PASD1: variants seen among roughly 807,000 people sequenced by gnomAD.
PASD1 encodes the protein circadian clock protein PASD1.
In PASD1, 13 loss-of-function variants were observed where a neutral mutation model predicts 58.8. The observed-to-expected ratio is 0.22, with a 90% confidence interval of 0.14 to 0.35. The LOEUF (loss-of-function observed/expected upper bound fraction) is 0.35. Ranked by LOEUF, PASD1 falls within the 10% of genes least tolerant of loss-of-function variation. PASD1 has a pLI of 1.00. For missense variants in PASD1, 734 were observed against 568.3 expected (o/e 1.29, Z -2.96); for synonymous variants, 236 against 216.7 (o/e 1.09, Z -0.78).
In PASD1 at chrX:151,597,981, C is replaced by T. The variant is rs190784245; in HGVS notation, c.-27-3546C>T. 5.3e-5 allele frequency among the ~76,000 whole-genome samples: 6 copies of T among 112,236 alleles called. No individual in the cohort carries two copies. The Admixed American group carries it at 5.7e-4, about 11-fold the overall frequency. The stretch of plus-strand genomic sequence containing the variant: ...CTGACTTCAGGTAATCTGCCCGCCT[C>T]GGCCTCCCAAAGTGCTGAGATTACA... On this transcript the variant is annotated intron_variant, in intron 1 of 15. Transcript: ENST00000370357.
chrX:151,615,226 C>T (rs776025083), intron 4 of PASD1, among the ~76,000 whole-genome samples: 1 of 97,191 alleles, frequency 1.0e-5, no homozygotes, highest in East Asian at 2.8e-4. Context: ...ATGATATGAT[C>T]TTGCTTCTTT....
intron 4 of PASD1, among the ~76,000 whole-genome samples, chrX:151,614,614 T>C (rs1244630390): frequency 2.7e-5 from 3 of 112,386 alleles, no homozygotes; most frequent in Non-Finnish European, 3.8e-5. Flanking sequence ...ATCTCCGTTG[T>C]TGTTTTCATT....
rs758948056 is a variant in PASD1, at chrX:151,664,107, T to C, written c.842-12T>C. The C allele has an allele frequency of 4.1e-6, 5 of 1,210,252 alleles. No individual in the cohort carries two copies. The highest frequency in any genetic ancestry group is 5.6e-6 in the Non-Finnish European group (5 of 895,175). On this transcript the variant is annotated splice_polypyrimidine_tract_variant and intron_variant, in intron 10 of 15. Coordinates refer to ENST00000370357, the MANE Select transcript of PASD1 (RefSeq NM_173493.3). ...TTTTAAGTCATGAACTCCCCTGTGC[T>C]TTCTTCCTCAGCCTTATCCTTGCAA...
intron 1 of PASD1, among the ~76,000 whole-genome samples, chrX:151,576,276 G>A (rs903025731): frequency 9.0e-6 from 1 of 111,624 alleles, no homozygotes; most frequent in Non-Finnish European, 1.9e-5. Context: ...AAAGTGTTGG[G>A]ATTGTAGGCG....
intron 4 of PASD1, among the ~76,000 whole-genome samples, chrX:151,613,585 G>A (rs1036300446): frequency 1.8e-5 from 2 of 111,154 alleles, no homozygotes; most frequent in Admixed American, 9.5e-5. Context: ...AAGCAATTGC[G>A]AATGGGAGTT....
intron 8 of PASD1, among the ~76,000 whole-genome samples, chrX:151,629,589 C>T (rs2013840634): frequency 8.9e-6 from 1 of 111,847 alleles, no homozygotes; most frequent in South Asian, 3.7e-4. Flanking sequence ...TGCCCACTTC[C>T]TTCATTAGTT....
chrX:151,672,208 A>C lies in PASD1; in HGVS notation c.1463A>C (p.His488Pro), dbSNP rs1346732076. The C allele has an allele frequency of 8.6e-7, 1 of 1,159,682 alleles. No homozygotes were observed. Among genetic ancestry groups the C allele is most frequent in the Non-Finnish European group, 1.1e-6 (1 of 871,060 alleles). Reference protein sequence around the residue: ...NQQQLVQQEQHLKEQQRQLRE... With the variant: ...NQQQLVQQEQPLKEQQRQLRE... ...CAGCAACTGGTGCAGCAAGAACAAC[A>C]CCTGAAGGAGCAGCAGCGGCAGCTG... The change falls in exon 14 of 16, where the codon CAC (histidine) becomes CCC (proline). Residue 488 changes from histidine (H) to proline (P), a missense_variant. Physicochemically the swap from His to Pro is moderately conservative, Grantham distance 77. Transcript: ENST00000370357.
At chrX:151,664,826 G>A (rs140329384) in intron 11 of PASD1, among the ~76,000 whole-genome samples, 114 of 111,937 alleles carry the variant, frequency 1.0e-3, no homozygotes, top group African/African-American at 3.6e-3. Flanking sequence ...TTTCAGAGTC[G>A]TTAGATATAC....
intron 12 of PASD1, 23 bp downstream of exon 12, chrX:151,671,219 A>T (rs1301831931): frequency 8.3e-7 from 1 of 1,205,599 alleles, no homozygotes; most frequent in Non-Finnish European, 1.1e-6. Context: ...GCTAGGTTTC[A>T]GGTCAGAGAC....
chrX:151,603,112 T>G (rs2013441441), intron 2 of PASD1, among the ~76,000 whole-genome samples: 1 of 112,782 alleles, frequency 8.9e-6, no homozygotes, highest in African/African-American at 3.2e-5. Context: ...ATGTGTTGAT[T>G]ATCTGTCTAC....
In PASD1 at chrX:151,600,157, G is replaced by A. The variant is rs756027491; in HGVS notation, c.-27-1370G>A. ...CGTGCGCCTGCAATCCCAGGCACTC[G>A]ACAGGCTGAGGCAGGAGAATCAGTC... On this transcript the variant is annotated intron_variant, in intron 1 of 15. Coordinates refer to ENST00000370357, the MANE Select transcript of PASD1 (RefSeq NM_173493.3). Among the ~76,000 whole-genome samples, 30 of 111,532 alleles carry A rather than the reference G, an allele frequency of 2.7e-4. No individual in the cohort carries two copies. In the East Asian group the frequency reaches 6.6e-3, roughly 24 times the overall value.
chrX:151,622,826 T>A (rs2013732603), intron 6 of PASD1, 111 bp from the exon 7 acceptor site: 1 of 852,386 alleles, frequency 1.2e-6, no homozygotes, highest in Non-Finnish European at 1.6e-6. Context: ...TGGCTCAGAA[T>A]TTTGAAAATT....
rs771195221 is a variant in PASD1, at chrX:151,671,703, G to A, written c.1361G>A (p.Cys454Tyr). The A allele has an allele frequency of 2.2e-5, 27 of 1,208,905 alleles. No homozygotes were observed. Among genetic ancestry groups the A allele is most frequent in the Non-Finnish European group, 3.0e-5 (27 of 894,019 alleles). ...CTCCCACATCCCAAGGACGTCAAGT[G>A]TTTCTGTGGTTTATCTTTATCCAAC... is the stretch of plus-strand genomic sequence containing the variant. ...RPLPHPKDVK[C>Y]FCGLSLSNSL... is the part of the protein sequence containing the mutation. The change falls in exon 13 of 16, where the codon TGT becomes TAT. Residue 454 changes from cysteine (C) to tyrosine (Y), a missense_variant. Physicochemically the swap from Cys to Tyr is radical, Grantham distance 194. Coordinates refer to ENST00000370357, the MANE Select transcript of PASD1 (RefSeq NM_173493.3).
chrX:151,631,363 G>C (rs1228211033), intron 8 of PASD1, among the ~76,000 whole-genome samples: 1 of 111,544 alleles, frequency 9.0e-6, no homozygotes. Flanking sequence ...AGTTTCAGGA[G>C]CTGTGGCCGG....
At chrX:151,665,322 C>G (rs1483299756) in intron 11 of PASD1, among the ~76,000 whole-genome samples, 1 of 112,400 alleles carries the variant, frequency 8.9e-6, no homozygotes, top group African/African-American at 3.2e-5. Context: ...CCCCCTTTCA[C>G]TGTTGACAGG....
chrX:151,648,844 A>G (rs1569412863), intron 9 of PASD1, 142 bp downstream of exon 9: 1 of 666,330 alleles, frequency 1.5e-6, no homozygotes, highest in East Asian at 3.5e-5. Flanking sequence ...TCTTGTAGAC[A>G]TTTCTTATTA....
intron 1 of PASD1, among the ~76,000 whole-genome samples, chrX:151,568,352 G>A (rs1359386821): frequency 2.7e-5 from 3 of 111,426 alleles, no homozygotes; most frequent in Non-Finnish European, 5.6e-5. Context: ...GTAACTGGTT[G>A]TTCCTTGATT....
intron 4 of PASD1, among the ~76,000 whole-genome samples, chrX:151,619,281 C>T (rs781329515): frequency 9.0e-6 from 1 of 111,419 alleles, no homozygotes; most frequent in East Asian, 2.8e-4. Context: ...ATTGGGAAGA[C>T]CGAGGGAGGA....
At chrX:151,669,285 T>C (rs1472143341) in intron 11 of PASD1, among the ~76,000 whole-genome samples, 1 of 107,847 alleles carries the variant, frequency 9.3e-6, no homozygotes, top group Admixed American at 1.0e-4. Context: ...CTATATATAT[T>C]ATGTTGTACA....
Sources: gnomAD v4.1 joint callset for allele counts (sites outside exome capture counted in the v4.1 genomes callset) on GRCh38, gnomAD v4.1.1 for gene constraint, MANE v1.5 for transcripts, NCBI Gene and HGNC (gene_info 2026-07-23, HGNC 2026-07-21) for gene names.